The following SKI variants were observed in gnomAD, a reference collection of about 807,000 sequenced individuals.
The protein encoded by SKI is ski oncogene.
In SKI, 23 loss-of-function variants were observed where a neutral mutation model predicts 59.3. That is an observed-to-expected ratio of 0.39 (90% CI 0.28 to 0.55). The LOEUF is 0.55. SKI is among the 20% of genes least tolerant of loss of function. SKI has a pLI of 0.67. For missense variants in SKI, 1,017 were observed against 1,038.9 expected (o/e 0.98, Z 0.29); for synonymous variants, 673 against 488.6 (o/e 1.38, Z -4.98).
chr1:2,251,435 C>T (rs984527027), intron 1 of SKI, among the ~76,000 whole-genome samples: 1 of 152,192 alleles, frequency 6.6e-6, no homozygotes, highest in Non-Finnish European at 1.5e-5. Context: ...GCCCCAGCCC[C>T]TGCTGAGGTC....
In SKI at chr1:2,306,857, C is replaced by T. The variant is rs1640602801; in HGVS notation, c.*92C>T. On this transcript the variant is annotated 3_prime_UTR_variant, in exon 7 of 7. Transcript: ENST00000378536. Reference sequence around the variant, plus strand: ...GCTCCGCCCGGCTCCGCCCCTGCAGCCCACACAGCACAACGTCTTACCGTG... The same window carrying T: ...GCTCCGCCCGGCTCCGCCCCTGCAGTCCACACAGCACAACGTCTTACCGTG... 4.6e-6 allele frequency: 4 copies of T among 877,620 alleles called. No homozygotes were observed. Among genetic ancestry groups the T allele is most frequent in the Non-Finnish European group, 6.1e-6 (4 of 654,370 alleles). The allele number at this position is 877,620 out of a possible 1,614,324, so 54.4% of individuals were successfully genotyped here.
At chr1:2,295,136 CA>C (rs1488626721) in intron 1 of SKI, among the ~76,000 whole-genome samples, 2 of 152,242 alleles carry the variant, frequency 1.3e-5, no homozygotes, top group African/African-American at 4.8e-5. Context: ...TGACCCTGAA[CA>C]GCTGCTAAAG....
intron 1 of SKI, among the ~76,000 whole-genome samples, chr1:2,266,580 C>T (rs1440740692): frequency 2.6e-5 from 4 of 152,154 alleles, no homozygotes; most frequent in Admixed American, 6.6e-5. Context: ...CCTCCAGGGT[C>T]CCTGGGGCCA....
intron 1 of SKI, among the ~76,000 whole-genome samples, chr1:2,235,145 C>T (rs529870390): frequency 3.1e-5 from 4 of 127,260 alleles, no homozygotes; most frequent in South Asian, 2.8e-4. Flanking sequence ...TGGGTTCAAG[C>T]GATTCTCCTG....
Position 2,270,558 on chromosome 1 carries a change from G to A in SKI, c.970-32420G>A, listed in dbSNP as rs552649457. Among the ~76,000 whole-genome samples, 26 of 152,250 alleles carry A rather than the reference G, an allele frequency of 1.7e-4. No homozygotes were observed. The highest frequency in any genetic ancestry group is 3.1e-4 in the Non-Finnish European group (21 of 67,940). ...GGGCAGTGTGCAGTGTTGAGGGGGC[G>A]CTGGGGAAACAAGCTGCCGGCTGAG... On this transcript the variant is annotated intron_variant, in intron 1 of 6. Coordinates refer to ENST00000378536, the MANE Select transcript of SKI (RefSeq NM_003036.4). The surrounding 1 kb of genome is among the most constrained non-coding windows in gnomAD (Gnocchi z 4.1).
chr1:2,285,897 G>A (rs949828231), intron 1 of SKI, among the ~76,000 whole-genome samples: 1 of 118,174 alleles, frequency 8.5e-6, no homozygotes, highest in African/African-American at 3.1e-5. Flanking sequence ...TTTTTGAAAC[G>A]GAGTCTCGCA....
intron 1 of SKI, among the ~76,000 whole-genome samples, chr1:2,257,794 A>C (rs1261900508): frequency 6.6e-6 from 1 of 151,962 alleles, no homozygotes. Context: ...GCTGGAGTGC[A>C]ATGGTGTGAT....
At chr1:2,251,340 C>T (rs774458602) in intron 1 of SKI, among the ~76,000 whole-genome samples, 4 of 152,086 alleles carry the variant, frequency 2.6e-5, no homozygotes, top group African/African-American at 4.8e-5. Context: ...CCAGGCTGGT[C>T]GTGAATTCCT....
intron 1 of SKI, among the ~76,000 whole-genome samples, chr1:2,253,590 T>G (rs1446270097): frequency 6.6e-6 from 1 of 152,220 alleles, no homozygotes; most frequent in Non-Finnish European, 1.5e-5. Context: ...TGCCAGGGCC[T>G]CCTCACTTTT....
At chr1:2,305,407 CAG>C (rs1208563538) in intron 5 of SKI, among the ~76,000 whole-genome samples, 4 of 152,178 alleles carry the variant, frequency 2.6e-5, no homozygotes, top group Admixed American at 1.3e-4. Context: ...CGTCGGCCCT[CAG>C]AGCTGCAGGG....
chr1:2,298,394 G>A (rs921078229), intron 1 of SKI, among the ~76,000 whole-genome samples: 6 of 152,160 alleles, frequency 3.9e-5, no homozygotes, highest in East Asian at 3.9e-4. Context: ...GGCTGCTGCT[G>A]TGCGCCTCTC....
rs1195364458 is a variant in SKI at position 2,251,858 on chromosome 1, C to T, written c.969+22123C>T. The stretch of plus-strand genomic sequence containing the variant: ...CCAGTGACACAAACCTGCAGCTTCT[C>T]CCCTTCTTGCTTCCCTCCCCGCCCC... On this transcript the variant is annotated intron_variant, in intron 1 of 6. Transcript: ENST00000378536. Among the ~76,000 whole-genome samples the T allele has an allele frequency of 5.3e-5, 8 of 152,250 alleles. No homozygotes were observed. In the South Asian group the frequency reaches 1.7e-3, roughly 32 times the overall value.
chr1:2,306,464 A>C, intron 6 of SKI, 113 bp from the exon 7 acceptor site: 1 of 1,165,730 alleles, frequency 8.6e-7, no homozygotes, highest in Non-Finnish European at 1.2e-6. Flanking sequence ...AGGGGCCGGC[A>C]CGCGGCACTG....
intron 1 of SKI, among the ~76,000 whole-genome samples, chr1:2,237,955 G>A (rs981892100): frequency 6.6e-6 from 1 of 152,236 alleles, no homozygotes; most frequent in Non-Finnish European, 1.5e-5. Context: ...GGCCTTGAGA[G>A]GCTGATCACC....
intron 1 of SKI, among the ~76,000 whole-genome samples, chr1:2,299,021 G>A (rs572870582): frequency 2.6e-4 from 39 of 152,370 alleles, no homozygotes; most frequent in Non-Finnish European, 1.0e-4. Flanking sequence ...GGTCGTGGAG[G>A]TTCACAGCAG....
chr1:2,301,694 C>G (rs1640429364), intron 1 of SKI, among the ~76,000 whole-genome samples: 1 of 151,904 alleles, frequency 6.6e-6, no homozygotes, highest in South Asian at 2.1e-4. Flanking sequence ...TCCTAGAGTC[C>G]TGGAGGTGGG....
chr1:2,293,586 C>A (rs1373615968), intron 1 of SKI, among the ~76,000 whole-genome samples: 4 of 152,206 alleles, frequency 2.6e-5, no homozygotes, highest in Non-Finnish European at 5.9e-5. Context: ...CTGGAAAGTT[C>A]TGCTCGAGCA....
At chr1:2,261,984 T>G (rs1456054246) in intron 1 of SKI, among the ~76,000 whole-genome samples, 1 of 115,664 alleles carries the variant, frequency 8.6e-6, no homozygotes. Flanking sequence ...AGGCGTGGAA[T>G]CAGAGTTTGG....
chr1:2,264,535 C>T (rs1019435840), intron 1 of SKI, among the ~76,000 whole-genome samples: 1 of 152,108 alleles, frequency 6.6e-6, no homozygotes, highest in African/African-American at 2.4e-5. Flanking sequence ...TTCCAAAGTG[C>T]TGGGATTACA....
Sources: gnomAD v4.1 joint callset for allele counts (sites outside exome capture counted in the v4.1 genomes callset) on GRCh38, gnomAD v4.1.1 for gene constraint, Gnocchi (gnomAD v3.1) non-coding constraint, MANE v1.5 for transcripts, NCBI Gene and HGNC (gene_info 2026-07-23, HGNC 2026-07-21) for gene names.